The following PCDH17 variants were observed in gnomAD, a reference collection of about 807,000 sequenced individuals.
PCDH17 encodes protocadherin-17.
Under a neutral mutation model 67.7 loss-of-function variants are expected in PCDH17, and 21 were observed. That is an observed-to-expected ratio of 0.31 (90% CI 0.22 to 0.45). PCDH17 has a LOEUF of 0.45. Ranked by LOEUF, PCDH17 falls within the 20% of genes least tolerant of loss-of-function variation. The pLI is 1.00. For missense variants in PCDH17, 1,471 were observed against 1,564.8 expected (o/e 0.94, Z 1.01); for synonymous variants, 701 against 656.7 (o/e 1.07, Z -1.03).
intron 3 of PCDH17, among the ~76,000 whole-genome samples, chr13:57,671,362 T>G (rs568853745): frequency 1.3e-5 from 2 of 151,896 alleles, no homozygotes; most frequent in South Asian, 4.2e-4. Flanking sequence ...ATAAACTGAT[T>G]TATATCAAGA....
chr13:57,666,357 A>G, intron 1 of PCDH17, 111 bp from the exon 2 acceptor site: 1 of 788,604 alleles, frequency 1.3e-6, no homozygotes, highest in Non-Finnish European at 2.1e-6. Flanking sequence ...AAATCTGAAG[A>G]TTAAGGGAAT....
chr13:57,661,624 AAGAG>A (rs201990398), intron 1 of PCDH17, among the ~76,000 whole-genome samples: 1 of 151,858 alleles, frequency 6.6e-6, no homozygotes, highest in Non-Finnish European at 1.5e-5. Flanking sequence ...GAGGGAGAGA[AAGAG>A]AGAGAGAGAA....
intron 3 of PCDH17, among the ~76,000 whole-genome samples, chr13:57,713,037 C>T (rs1593947192): frequency 6.6e-6 from 1 of 151,688 alleles, no homozygotes; most frequent in East Asian, 1.9e-4. Flanking sequence ...ACATTTTTAT[C>T]TTTACTGTGA....
At chr13:57,651,153 A>G (rs888078285) in intron 1 of PCDH17, among the ~76,000 whole-genome samples, 12 of 152,196 alleles carry the variant, frequency 7.9e-5, no homozygotes, top group African/African-American at 2.9e-4. Flanking sequence ...TATATATTTT[A>G]TAAAGAGTTG....
At chr13:57,635,323 T>C (rs1278799037) in intron 1 of PCDH17, among the ~76,000 whole-genome samples, 1 of 152,218 alleles carries the variant, frequency 6.6e-6, no homozygotes, top group Non-Finnish European at 1.5e-5. Flanking sequence ...CAAACGTAAA[T>C]ATCTTACTGT....
intron 3 of PCDH17, among the ~76,000 whole-genome samples, chr13:57,674,301 G>A (rs930885940): frequency 2.0e-5 from 3 of 151,674 alleles, no homozygotes; most frequent in Non-Finnish European, 4.4e-5. Flanking sequence ...TTATTATAAT[G>A]ACAATATTTT....
At chr13:57,643,941 T>G (rs1954934891) in intron 1 of PCDH17, among the ~76,000 whole-genome samples, 1 of 151,776 alleles carries the variant, frequency 6.6e-6, no homozygotes, top group Non-Finnish European at 1.5e-5. Flanking sequence ...TGGCATGGTA[T>G]GCATAGAATG....
chr13:57,668,387 A>G (rs1399477086), intron 3 of PCDH17, among the ~76,000 whole-genome samples: 1 of 152,064 alleles, frequency 6.6e-6, no homozygotes, highest in Non-Finnish European at 1.5e-5. Context: ...TTGTATCTTT[A>G]TGAGAAACTC....
intron 1 of PCDH17, among the ~76,000 whole-genome samples, chr13:57,637,122 A>G (rs538620736): frequency 3.0e-4 from 45 of 152,260 alleles, no homozygotes; most frequent in African/African-American, 7.2e-4. Flanking sequence ...ACGTGCGCAC[A>G]CACACACAGA....
chr13:57,684,101 C>T (rs1034596356), intron 3 of PCDH17, among the ~76,000 whole-genome samples: 3 of 151,798 alleles, frequency 2.0e-5, no homozygotes, highest in East Asian at 3.9e-4. Context: ...CTCCAGAGGC[C>T]GGAGTTTTCC....
rs1219283497 is a variant in PCDH17, at chr13:57,682,472, A to G, written c.2797+15639A>G. 2.0e-5 allele frequency among the ~76,000 whole-genome samples: 3 copies of G among 151,932 alleles called. No individual in the cohort carries two copies. In the East Asian group the frequency reaches 5.9e-4, roughly 30 times the overall value. ...TTTCACTCTTCCAATTACAATGCAC[A>G]ACACTTCCAAAACAGTGTAAACTTT... On this transcript the variant is annotated intron_variant, in intron 3 of 3. Transcript: ENST00000377918.
In PCDH17 at chr13:57,726,761, T is replaced by G. The variant is rs984817165; in HGVS notation, c.*1467T>G. Reference sequence around the variant, plus strand: ...TCATGTTTTTTCAATAACATACAGCTTCTGCCTGTGTAGATATTATGCCAT... The same window carrying G: ...TCATGTTTTTTCAATAACATACAGCGTCTGCCTGTGTAGATATTATGCCAT... On this transcript the variant is annotated 3_prime_UTR_variant, in exon 4 of 4. Transcript: ENST00000377918. 7 of 152,266 alleles carry G rather than the reference T, an allele frequency of 4.6e-5. No homozygotes were observed. The highest frequency in any genetic ancestry group is 1.7e-4 in the African/African-American group (7 of 41,454). The allele number at this position is 152,266 out of a possible 1,614,324, so 9.4% of individuals were successfully genotyped here. A position where few individuals can be genotyped will look rare whatever the true frequency, so the allele number is the denominator to read the frequency against.
At chr13:57,656,113 C>A (rs1955100049) in intron 1 of PCDH17, among the ~76,000 whole-genome samples, 1 of 152,040 alleles carries the variant, frequency 6.6e-6, no homozygotes, top group Non-Finnish European at 1.5e-5. Flanking sequence ...CACTTTATCT[C>A]CTAGGGCAAT....
chr13:57,668,681 T>G (rs993564732), intron 3 of PCDH17, among the ~76,000 whole-genome samples: 1 of 152,044 alleles, frequency 6.6e-6, no homozygotes, highest in African/African-American at 2.4e-5. Flanking sequence ...GCATAAATTT[T>G]AAATAATATT....
At chr13:57,718,980 A>G (rs1955848607) in intron 3 of PCDH17, among the ~76,000 whole-genome samples, 1 of 152,152 alleles carries the variant, frequency 6.6e-6, no homozygotes, top group Middle Eastern at 3.4e-3. Context: ...GCAGACAGAT[A>G]AAGAATTTGT....
At chr13:57,652,917 A>T (rs1236558174) in intron 1 of PCDH17, among the ~76,000 whole-genome samples, 1 of 152,130 alleles carries the variant, frequency 6.6e-6, no homozygotes, top group Non-Finnish European at 1.5e-5. Context: ...TGGTTCCTAG[A>T]TTGCAGGTCA....
rs757400490 is a variant in PCDH17 at position 57,633,060 on chromosome 13, A to C, written c.514A>C (p.Thr172Pro). Reference sequence around the variant, plus strand: ...GAATGGGCTCCGCACCTACCTGCTCACGCGCGACGATCACGGCCTCTTTGG... The same window carrying C: ...GAATGGGCTCCGCACCTACCTGCTCCCGCGCGACGATCACGGCCTCTTTGG... ...GENGLRTYLL[T>P]RDDHGLFGLD... Residue 172 changes from threonine to proline, a missense_variant, in exon 1 of 4, where the codon ACG becomes CCG. Coordinates refer to ENST00000377918, the MANE Select transcript of PCDH17 (RefSeq NM_001040429.3). This position sits in a 1 kb window ranked among gnomAD's most constrained non-coding sequence, Gnocchi z 6.2. 4 of 1,613,010 alleles carry C rather than the reference A, an allele frequency of 2.5e-6. No individual in the cohort carries two copies. The highest frequency in any genetic ancestry group is 1.7e-5 in the Admixed American group (1 of 59,976).
intron 3 of PCDH17, among the ~76,000 whole-genome samples, chr13:57,706,567 T>A (rs1286427677): frequency 6.6e-6 from 1 of 152,114 alleles, no homozygotes; most frequent in Non-Finnish European, 1.5e-5. Context: ...AAGTACAAAA[T>A]CAAGGTTTAG....
At chr13:57,648,128 T>A (rs1021367986) in intron 1 of PCDH17, among the ~76,000 whole-genome samples, 3 of 151,890 alleles carry the variant, frequency 2.0e-5, no homozygotes, top group Admixed American at 1.3e-4. Flanking sequence ...TATTACAGTT[T>A]GGATTTTTTT....
Sources: allele counts gnomAD v4.1 joint callset (sites outside exome capture counted in the v4.1 genomes callset), GRCh38; gene constraint gnomAD v4.1.1; non-coding constraint Gnocchi (gnomAD v3.1); transcripts MANE v1.5; gene names NCBI Gene and HGNC (gene_info 2026-07-23, HGNC 2026-07-21).